PCNX2: variants seen among roughly 807,000 people sequenced by gnomAD.
The protein encoded by PCNX2 is pecanex 2.
In PCNX2, 168 loss-of-function variants were observed where a neutral mutation model predicts 223.8. The observed-to-expected ratio is 0.75, with a 90% confidence interval of 0.66 to 0.85. The LOEUF (loss-of-function observed/expected upper bound fraction) is 0.85. PCNX2 is among the 40% of genes least tolerant of loss of function. The pLI is 0.00. For missense variants in PCNX2, 2,507 were observed against 2,675.5 expected (o/e 0.94, Z 1.39); for synonymous variants, 1,006 against 1,052.6 (o/e 0.96, Z 0.86).
the PCNX2 span, among the ~76,000 whole-genome samples, chr1:233,321,156 C>A: frequency 8.0e-5 from 12 of 150,096 alleles, no homozygotes; most frequent in Admixed American, 2.7e-4. Context: ...GTAGCTGGAA[C>A]TATAGGTGAA....
chr1:233,047,829 C>A lies in PCNX2; in HGVS notation c.4351+6439G>T, dbSNP rs567142034. Among the ~76,000 whole-genome samples, 3 of 152,206 alleles carry A rather than the reference C, an allele frequency of 2.0e-5. No individual in the cohort carries two copies. In the South Asian group the frequency reaches 6.2e-4, roughly 32 times the overall value. On this transcript the variant is annotated intron_variant, in intron 25 of 33. Coordinates refer to ENST00000258229, the MANE Select transcript of PCNX2 (RefSeq NM_014801.4). ...GAGGCGGAAAACTAACAAAGAAATT[C>A]TGGACTTAAATTTGACACTTGACCA...
intron 12 of PCNX2, among the ~76,000 whole-genome samples, chr1:233,209,365 G>A (rs900000911): frequency 2.0e-5 from 3 of 152,056 alleles, no homozygotes; most frequent in Non-Finnish European, 2.9e-5. Context: ...TTCTTGAATT[G>A]AGAGAAAAAT....
At chr1:233,159,477 C>T (rs769550119) in intron 19 of PCNX2, among the ~76,000 whole-genome samples, 4 of 152,100 alleles carry the variant, frequency 2.6e-5, no homozygotes, top group African/African-American at 4.8e-5. Context: ...AGATAACTCG[C>T]TAACAACTGA....
At chr1:233,109,594 C>T (rs979458440) in intron 21 of PCNX2, among the ~76,000 whole-genome samples, 1 of 152,164 alleles carries the variant, frequency 6.6e-6, no homozygotes, top group African/African-American at 2.4e-5. Flanking sequence ...AATCAGTGAA[C>T]ATGAAGACAG....
rs536036198 is a variant in PCNX2 at position 233,253,026 on chromosome 1, C to T, written c.1835-238G>A. 6.6e-6 allele frequency among the ~76,000 whole-genome samples: 1 copy of T among 152,282 alleles called. No individual in the cohort carries two copies. Among genetic ancestry groups the T allele is most frequent in the Admixed American group, 6.5e-5 (1 of 15,290 alleles). ...TTATTTAGGTGTCTACAAACACCTA[C>T]TATTTTATATACAGGTTGAGGGACT... On this transcript the variant is annotated intron_variant, in intron 5 of 33. Coordinates refer to ENST00000258229, the MANE Select transcript of PCNX2 (RefSeq NM_014801.4). This position sits in a 1 kb window ranked among gnomAD's most constrained non-coding sequence, Gnocchi z 4.2.
chr1:233,271,737 T>TC, intron 1 of PCNX2, among the ~76,000 whole-genome samples: 1 of 152,302 alleles, frequency 6.6e-6, no homozygotes, highest in African/African-American at 2.4e-5. Context: ...GGGTGTCCTT[T>TC]CCCCACTTTA....
intron 21 of PCNX2, among the ~76,000 whole-genome samples, chr1:233,134,371 A>T (rs1676682993): frequency 6.6e-6 from 1 of 152,228 alleles, no homozygotes; most frequent in Non-Finnish European, 1.5e-5. Context: ...AACATTAGAT[A>T]CGAGCCCCAT....
chr1:233,047,906 T>C (rs1053902526), intron 25 of PCNX2, among the ~76,000 whole-genome samples: 3 of 152,052 alleles, frequency 2.0e-5, no homozygotes, highest in Admixed American at 1.3e-4. Flanking sequence ...CCACAGAATA[T>C]ACATTCCTCA....
intron 1 of PCNX2, among the ~76,000 whole-genome samples, chr1:233,287,942 T>C (rs1384860711): frequency 5.3e-5 from 8 of 152,242 alleles, no homozygotes; most frequent in Non-Finnish European, 4.4e-5. Context: ...GCCTCATATG[T>C]GCTCAGAAGC....
At chr1:233,296,385 A>G (rs1662124489), upstream of PCNX2, among the ~76,000 whole-genome samples, 1 of 152,198 alleles carries the variant, frequency 6.6e-6, no homozygotes, top group South Asian at 2.1e-4. Flanking sequence ...AGCTTCAGTT[A>G]GCCTTAGTTT....
chr1:233,303,521 T>C, the PCNX2 span, among the ~76,000 whole-genome samples: 14 of 152,110 alleles, frequency 9.2e-5, no homozygotes, highest in Admixed American at 8.5e-4. Flanking sequence ...TCTCAAAAAA[T>C]CATATATGTA....
At chr1:233,153,008 A>G (rs988212487) in intron 19 of PCNX2, among the ~76,000 whole-genome samples, 1 of 152,248 alleles carries the variant, frequency 6.6e-6, no homozygotes, top group Non-Finnish European at 1.5e-5. Context: ...AGGCTGGGCC[A>G]TAACATTATA....
At chr1:233,028,269 C>A (rs904297806) in intron 25 of PCNX2, among the ~76,000 whole-genome samples, 1 of 152,200 alleles carries the variant, frequency 6.6e-6, no homozygotes, top group Non-Finnish European at 1.5e-5. Context: ...CAGTATCATT[C>A]AAATATGCTA....
intron 17 of PCNX2, chr1:233,167,606 G>C (rs1248223182): frequency 2.1e-6 from 1 of 474,068 alleles, no homozygotes; most frequent in Non-Finnish European, 2.8e-6. Flanking sequence ...CGAGATGATG[G>C]ATATGTTAAC....
At chr1:233,327,082 G>A in the PCNX2 span, among the ~76,000 whole-genome samples, 2 of 151,952 alleles carry the variant, frequency 1.3e-5, no homozygotes, top group East Asian at 3.9e-4. Flanking sequence ...CTGGCACCGC[G>A]CTACAATTTC....
chr1:233,069,326 TAGA>T (rs1672749374), intron 23 of PCNX2, among the ~76,000 whole-genome samples: 1 of 152,100 alleles, frequency 6.6e-6, no homozygotes, highest in African/African-American at 2.4e-5. Context: ...AACGATAATA[TAGA>T]AGAACTCAGT....
intron 9 of PCNX2, among the ~76,000 whole-genome samples, chr1:233,229,972 A>G (rs1313870430): frequency 6.6e-6 from 1 of 152,186 alleles, no homozygotes; most frequent in Non-Finnish European, 1.5e-5. Flanking sequence ...CTGGTACCAA[A>G]TTCAAATTCA....
intron 8 of PCNX2, among the ~76,000 whole-genome samples, chr1:233,248,845 G>A (rs956211602): frequency 1.3e-5 from 2 of 152,112 alleles, no homozygotes; most frequent in Non-Finnish European, 2.9e-5. Context: ...CATCACCCGC[G>A]CAGCACCCCA....
rs772593808 is a variant in PCNX2 at position 233,139,711 on chromosome 1, T to C, written c.3659+3A>G. ...TTATGAAGATAAACCATTAACCACT[T>C]ACTGGGTACCAAGTCTCCGGTGATT... On this transcript the variant is annotated splice_donor_region_variant and intron_variant, in intron 20 of 33. Coordinates refer to ENST00000258229, the MANE Select transcript of PCNX2 (RefSeq NM_014801.4). The surrounding 1 kb of genome is among the most constrained non-coding windows in gnomAD (Gnocchi z 4.4). 1 of 1,594,970 alleles carries C rather than the reference T, an allele frequency of 6.3e-7. No homozygotes were observed. Among genetic ancestry groups the C allele is most frequent in the Non-Finnish European group, 8.5e-7 (1 of 1,169,950 alleles).
Sources: gnomAD v4.1 joint callset for allele counts (sites outside exome capture counted in the v4.1 genomes callset) on GRCh38, gnomAD v4.1.1 for gene constraint, Gnocchi (gnomAD v3.1) non-coding constraint, MANE v1.5 for transcripts, NCBI Gene and HGNC (gene_info 2026-07-23, HGNC 2026-07-21) for gene names.